Variants in COL6A5 observed in about 807,000 individuals in gnomAD.
COL6A5 encodes the protein collagen alpha-5(VI) chain.
COL6A5 carries 48 observed loss-of-function variants against 65.6 expected under a neutral mutation model. The observed-to-expected ratio is 0.73, with a 90% CI of 0.58 to 0.93. The LOEUF (loss-of-function observed/expected upper bound fraction) is 0.93. COL6A5 is among the 40% of genes least tolerant of loss of function. The pLI, the probability that COL6A5 is intolerant of heterozygous loss-of-function variation, is 0.00. For synonymous variants in COL6A5, 291 were observed against 322.8 expected, an observed-to-expected ratio of 0.90 and a Z score of 1.05; for missense variants, 914 against 928.3, an observed-to-expected ratio of 0.98 and a Z score of 0.20.
In COL6A5 at chr3:130,443,523, C is replaced by T. The variant is rs752292625; in HGVS notation, c.1291C>T (p.Leu431Phe). ...ACCGATGCTTGAGGATGCCTGTAGACTCATCAATTTAGGAGGAGAGAATAT... is the reference window on the plus strand; with the variant it reads ...ACCGATGCTTGAGGATGCCTGTAGATTCATCAATTTAGGAGGAGAGAATAT... The change falls in exon 4 of 8, where the codon CTC becomes TTC. Residue 431 changes from leucine (L) to phenylalanine (F), a missense_variant. Physicochemically the swap from Leu to Phe is conservative, Grantham distance 22. Coordinates refer to ENST00000512836, the Ensembl canonical transcript of COL6A5. 1.9e-6 allele frequency: 3 copies of T among 1,611,392 alleles called. No homozygotes were observed. In the South Asian group the frequency reaches 3.3e-5, roughly 18 times the overall value.
intron 1 of COL6A5, among the ~76,000 whole-genome samples, chr3:130,438,957 G>T (rs1319896392): frequency 1.3e-5 from 2 of 152,116 alleles, no homozygotes; most frequent in Non-Finnish European, 2.9e-5. Flanking sequence ...TCTGTCCATT[G>T]CTTTTTGAAA....
exon 11 of COL6A5, chr3:130,401,145 A>G: frequency 6.5e-7 from 1 of 1,546,928 alleles, no homozygotes; most frequent in Non-Finnish European, 8.7e-7. Context: ...GGAATGAGAG[A>G]ACTGGGCAAA....
chr3:130,406,627 CA>C (rs1303205167), intron 17 of COL6A5, among the ~76,000 whole-genome samples: 1 of 151,742 alleles, frequency 6.6e-6, no homozygotes, highest in Non-Finnish European at 1.5e-5. Context: ...TTTTTTACCA[CA>C]ACGTTTCCAT....
intron 5 of COL6A5, among the ~76,000 whole-genome samples, chr3:130,460,738 ATGGTGGTGGTGGTAATATTGG>A (rs1314391139): frequency 6.6e-6 from 1 of 151,456 alleles, no homozygotes; most frequent in South Asian, 2.1e-4. Context: ...GGTGGTAGGG[ATGGTGGTGGTGGTAATATTGG>A]TGGTGGTGGA....
intron 29 of COL6A5, 126 bp from the exon 30 acceptor site, chr3:130,426,088 T>G (rs1025513299): frequency 8.2e-6 from 7 of 850,280 alleles, no homozygotes; most frequent in Non-Finnish European, 1.3e-5. Flanking sequence ...TTCAGGAATA[T>G]TTTAACTACT....
chr3:130,382,034 G>T (rs1005600003), intron 4 of COL6A5, among the ~76,000 whole-genome samples: 1 of 151,790 alleles, frequency 6.6e-6, no homozygotes, highest in Non-Finnish European at 1.5e-5. Flanking sequence ...AAATTCACAT[G>T]AAATTGATAT....
intron 7 of COL6A5, 106 bp downstream of exon 39, chr3:130,471,073 T>TC (rs1333011960): frequency 4.8e-4 from 373 of 771,546 alleles, no homozygotes; most frequent in Non-Finnish European, 7.1e-4. Context: ...AGTGTGTGTT[T>TC]TTGTGTGTGT....
chr3:130,362,307 T>TAC (rs1559857954), intron 1 of COL6A5, among the ~76,000 whole-genome samples: 12 of 2,130 alleles, frequency 5.6e-3, no homozygotes, highest in African/African-American at 0.01. Context: ...TATATATATA[T>TAC]ATATATATAT....
At chr3:130,424,881 T>C (rs1459570891) in intron 29 of COL6A5, among the ~76,000 whole-genome samples, 1 of 152,094 alleles carries the variant, frequency 6.6e-6, no homozygotes, top group Non-Finnish European at 1.5e-5. Context: ...CACATCTTCC[T>C]GGTCTTGTGC....
Position 130,384,792 on chromosome 3 carries a change from C to T in COL6A5, c.1301-12C>T, listed in dbSNP as rs187964549. The T allele has an allele frequency of 1.7e-4, 252 of 1,519,316 alleles. No individual in the cohort carries two copies. In the African/African-American group the frequency reaches 3.2e-3, roughly 20 times the overall value. 94.1% of individuals were successfully genotyped at this position (1,519,316 alleles called of 1,614,324 possible). A position where few individuals can be genotyped will look rare whatever the true frequency, so the allele number is the denominator to read the frequency against. On this transcript the variant is annotated splice_polypyrimidine_tract_variant and intron_variant and NMD_transcript_variant, in intron 4 of 41. Transcript: ENST00000312481. ...GGTTCTCTAATTTACAGAGAATGCA[C>T]TTCTTTTTCAGGCTGTGTGGATACA... is the stretch of plus-strand genomic sequence containing the variant.
At chr3:130,352,204 G>A (rs541782064) in intron 1 of COL6A5, among the ~76,000 whole-genome samples, 40 of 151,978 alleles carry the variant, frequency 2.6e-4, no homozygotes, top group South Asian at 1.2e-3. Context: ...AATACCTAAT[G>A]TAAATGATGA....
At chr3:130,397,682 G>C in exon 9 of COL6A5, 4 of 1,551,556 alleles carry the variant, frequency 2.6e-6, no homozygotes, top group Non-Finnish European at 3.5e-6. Context: ...TACCTCCCAG[G>C]CATCTTAGAA....
At chr3:130,390,343 C>T (rs1008209360) in intron 6 of COL6A5, among the ~76,000 whole-genome samples, 1 of 152,076 alleles carries the variant, frequency 6.6e-6, no homozygotes, top group Admixed American at 6.6e-5. Context: ...CAGATACAGC[C>T]TGGGGACATT....
At chr3:130,484,153 A>C (rs544938200) in exon 8 of COL6A5, 15 of 1,172,228 alleles carry the variant, frequency 1.3e-5, no homozygotes, top group African/African-American at 4.7e-5. Context: ...GGTAAATGAC[A>C]GGGACTTTTC....
chr3:130,413,846 C>T (rs1016098490), intron 21 of COL6A5, among the ~76,000 whole-genome samples: 2 of 151,416 alleles, frequency 1.3e-5, no homozygotes, highest in Admixed American at 1.3e-4. Context: ...TCTTCATGTG[C>T]TTTGGGAATC....
chr3:130,440,119 G>T, intron 2 of COL6A5, 47 bp from the exon 35 acceptor site: 1 of 1,477,216 alleles, frequency 6.8e-7, no homozygotes, highest in South Asian at 1.3e-5. Context: ...CAAGTGTCTT[G>T]TTGGGTCAGT....
chr3:130,433,706 C>T (rs1011998176), intron 1 of COL6A5, among the ~76,000 whole-genome samples: 2 of 152,126 alleles, frequency 1.3e-5, no homozygotes, highest in Non-Finnish European at 2.9e-5. Flanking sequence ...GTCTGTTTCC[C>T]CTCATACTTA....
At chr3:130,362,343 T>TGCA (rs1935171002) in intron 1 of COL6A5, among the ~76,000 whole-genome samples, 1 of 116,368 alleles carries the variant, frequency 8.6e-6, no homozygotes, top group Non-Finnish European at 1.8e-5. Context: ...TTTTTTTTTT[T>TGCA]TTTTGCATGT....
chr3:130,480,023 A>C (rs6772221), intron 7 of COL6A5, among the ~76,000 whole-genome samples: 9,609 of 152,070 alleles, frequency 0.063, 708 homozygotes, highest in East Asian at 0.34. Context: ...GAAAAAAGTC[A>C]AATAATTGTT....
Sources: gnomAD v4.1 joint callset for allele counts (sites outside exome capture counted in the v4.1 genomes callset) on GRCh38, gnomAD v4.1.1 for gene constraint, MANE v1.5 for transcripts, NCBI Gene and HGNC (gene_info 2026-07-23, HGNC 2026-07-21) for gene names.